ACTR1B: variants seen among roughly 807,000 people sequenced by gnomAD.
ACTR1B encodes the protein beta-centractin.
ACTR1B carries 34 observed loss-of-function variants against 49.4 expected under a neutral mutation model. The observed-to-expected ratio is 0.69, with a 90% CI of 0.52 to 0.92. The LOEUF is 0.92. Among genes scored for constraint, ACTR1B ranks in the 40% least tolerant of loss-of-function variants. The pLI, the probability that ACTR1B is intolerant of heterozygous loss-of-function variation, is 0.00. For synonymous variants in ACTR1B, 207 were observed against 207.8 expected (o/e 1.00, Z 0.03); for missense variants, 471 against 522.4 (o/e 0.90, Z 0.96).
chr2:97,661,052 C>A (rs954198118), intron 2 of ACTR1B, among the ~76,000 whole-genome samples: 8 of 152,198 alleles, frequency 5.3e-5, no homozygotes, highest in Admixed American at 4.6e-4. Flanking sequence ...CCTTGTGCAC[C>A]CTGCTCTCAC....
At position 97,658,458 on chromosome 2, in the gene ACTR1B, G is replaced by C; in HGVS notation, c.626C>G (p.Ala209Gly). 6.2e-7 allele frequency: 1 copy of C among 1,614,142 alleles called. No individual in the cohort carries two copies. Among genetic ancestry groups the C allele is most frequent in the Non-Finnish European group, 8.5e-7 (1 of 1,180,010 alleles). The change falls in exon 6 of 11, where the codon GCT (alanine) becomes GGT (glycine). Residue 209 changes from alanine to glycine, a missense_variant. Transcript: ENST00000289228. This position sits in a 1 kb window ranked among gnomAD's most constrained non-coding sequence, Gnocchi z 5.9. The stretch of plus-strand genomic sequence containing the variant: ...GATTGTCCGGACAACCTCAAACTCA[G>C]CCGAGGTATGGAAGTCAACCCCTTC... ...RKEGVDFHTS[A>G]EFEVVRTIKE...
In ACTR1B at chr2:97,655,999, CA is replaced by C. The variant is rs1674824798; in HGVS notation, c.*858del. 6.6e-6 allele frequency: 1 copy of C among 152,254 alleles called. No individual in the cohort carries two copies. The highest frequency in any genetic ancestry group is 1.5e-5 in the Non-Finnish European group (1 of 68,052). The allele number at this position is 152,254 out of a possible 1,614,324, so 9.4% of individuals were successfully genotyped here. ...CCATAATTATTACTATAATGATTTA[CA>C]AAAGTTTTTTTCAGGCAACCGTGTT... On this transcript the variant is annotated 3_prime_UTR_variant, in exon 11 of 11. Transcript: ENST00000289228.
chr2:97,661,944 AC>A lies in ACTR1B; in HGVS notation c.50del (p.Gly17ValfsTer4). ...CAAAGCCAGCTTTAATCACCCCCGA[AC>A]CCTGCAAGGAAAAACAAAGTTGAGC... The part of the protein sequence containing the change: ...IANQPVVIDN[G>X]SGVIKAGFAG... On this transcript the variant is annotated frameshift_variant and splice_region_variant, in exon 2 of 11. Transcript: ENST00000289228. LOFTEE classifies it high-confidence loss of function. The A allele has an allele frequency of 6.3e-7, 1 of 1,589,066 alleles. No individual in the cohort carries two copies. Among genetic ancestry groups the A allele is most frequent in the Non-Finnish European group, 8.6e-7 (1 of 1,165,678 alleles).
intron 1 of ACTR1B, 28 bp downstream of exon 1, chr2:97,663,809 GGCGCCC>G (rs1428880438): frequency 7.4e-7 from 1 of 1,348,642 alleles, no homozygotes; most frequent in East Asian, 3.6e-5. Context: ...CCGGGGGCGG[GGCGCCC>G]GCCCTCCCCC....
chr2:97,657,550 G>A, intron 8 of ACTR1B, 41 bp from the exon 9 acceptor site: 1 of 1,605,034 alleles, frequency 6.2e-7, no homozygotes, highest in South Asian at 1.1e-5. Flanking sequence ...TCTGCACCCG[G>A]CCTCCTCGCT....
Position 97,659,659 on chromosome 2 carries a change from C to T in ACTR1B, c.190-182G>A. 1.2e-6 allele frequency: 1 copy of T among 808,324 alleles called. No individual in the cohort carries two copies. Among genetic ancestry groups the T allele is most frequent in the East Asian group, 2.6e-5 (1 of 37,790 alleles). 50.1% of individuals were successfully genotyped at this position (808,324 alleles called of 1,614,324 possible). On this transcript the variant is annotated intron_variant, in intron 3 of 10. Transcript: ENST00000289228. The surrounding 1 kb of genome is among the most constrained non-coding windows in gnomAD (Gnocchi z 4.0). Reference sequence around the variant, plus strand: ...CCTGAACTCAGCATGGGCTCACCTGCCCACCAGCTTCTTAGGCTCTTAGAG... The same window carrying T: ...CCTGAACTCAGCATGGGCTCACCTGTCCACCAGCTTCTTAGGCTCTTAGAG...
rs1202449598 is a variant in ACTR1B, at chr2:97,660,572, T to C, written c.188A>G (p.Glu63Gly). Residue 63 changes from glutamate to glycine, a missense_variant and splice_region_variant, in exon 3 of 11, where the codon GAG becomes GGG. Glu to Gly is a moderately conservative substitution (Grantham distance 98, BLOSUM62 -2). Coordinates refer to ENST00000289228, the MANE Select transcript of ACTR1B (RefSeq NM_005735.4). ...EGDLFIGPKA[E>G]EHRGLLTIRY... is the part of the protein sequence containing the mutation. ...GAAAGGCAGGCTCCTCGGTGTTACC[T>C]CTGCTTTTGGTCCGATGAAGAGGTC... 1.2e-6 allele frequency: 2 copies of C among 1,613,940 alleles called. No individual in the cohort carries two copies. Among genetic ancestry groups the C allele is most frequent in the Non-Finnish European group, 1.7e-6 (2 of 1,179,968 alleles).
rs1675101997 is a variant in ACTR1B, at chr2:97,663,805, G to A, written c.48+38C>T. On this transcript the variant is annotated intron_variant, in intron 1 of 10. Coordinates refer to ENST00000289228, the MANE Select transcript of ACTR1B (RefSeq NM_005735.4). ...TGCGCCGCCGCGTGCGCCCCCGGGG[G>A]CGGGGCGCCCGCCCTCCCCCTGGCT... is the stretch of plus-strand genomic sequence containing the variant. The A allele has an allele frequency of 3.0e-6, 4 of 1,333,294 alleles. 1 individual carries two copies. Among genetic ancestry groups the A allele is most frequent in the Middle Eastern group, 2.7e-4 (1 of 3,726 alleles). 82.6% of individuals were successfully genotyped at this position (1,333,294 alleles called of 1,614,324 possible).
At position 97,656,627 on chromosome 2, in the gene ACTR1B, C is replaced by T. The variant is rs926635493; in HGVS notation, c.*231G>A. 1.1e-5 allele frequency: 6 copies of T among 521,992 alleles called. No homozygotes were observed. Among genetic ancestry groups the T allele is most frequent in the Non-Finnish European group, 1.0e-5 (3 of 291,134 alleles). The allele number at this position is 521,992 out of a possible 1,614,324, so 32.3% of individuals were successfully genotyped here. A position where few individuals can be genotyped will look rare whatever the true frequency, so the allele number is the denominator to read the frequency against. On this transcript the variant is annotated 3_prime_UTR_variant, in exon 11 of 11. Transcript: ENST00000289228. ...ACCCACAACAGCCTGACATGGCGCT[C>T]AATTCCCACACGCCAGCTCAAGGCT...
chr2:97,661,002 G>C (rs1674999843), intron 2 of ACTR1B, among the ~76,000 whole-genome samples: 1 of 152,220 alleles, frequency 6.6e-6, no homozygotes, highest in African/African-American at 2.4e-5. Flanking sequence ...ACCATCCACA[G>C]ACTGAGGGAG....
In ACTR1B at chr2:97,658,390, C is replaced by A. The variant is rs573419152; in HGVS notation, c.657+37G>T. The A allele has an allele frequency of 6.2e-7, 1 of 1,613,602 alleles. No individual in the cohort carries two copies. The highest frequency in any genetic ancestry group is 8.5e-7 in the Non-Finnish European group (1 of 1,179,628). Reference sequence around the variant, plus strand: ...GTGCCTTGGTGCCACCCTTTCCTCACCCCAGGTCGTGTCCACACCCTCTCG... The same window carrying A: ...GTGCCTTGGTGCCACCCTTTCCTCAACCCAGGTCGTGTCCACACCCTCTCG... On this transcript the variant is annotated intron_variant, in intron 6 of 10. Coordinates refer to ENST00000289228, the MANE Select transcript of ACTR1B (RefSeq NM_005735.4). This position sits in a 1 kb window ranked among gnomAD's most constrained non-coding sequence, Gnocchi z 5.9.
rs1251741378 is a variant in ACTR1B at position 97,663,927 on chromosome 2, G to A, written c.-37C>T. Reference sequence around the variant, plus strand: ...GCCGGCCCTGCCCAGCAGGCGGGCTGCAGGAGGCACCGGATGGGCGGGCGG... The same window carrying A: ...GCCGGCCCTGCCCAGCAGGCGGGCTACAGGAGGCACCGGATGGGCGGGCGG... On this transcript the variant is annotated 5_prime_UTR_variant, in exon 1 of 11. Coordinates refer to ENST00000289228, the MANE Select transcript of ACTR1B (RefSeq NM_005735.4). 2.2e-6 allele frequency: 2 copies of A among 903,964 alleles called. No individual in the cohort carries two copies. The highest frequency in any genetic ancestry group is 8.2e-5 in the Admixed American group (2 of 24,500). The allele number at this position is 903,964 out of a possible 1,614,324, so 56.0% of individuals were successfully genotyped here. A position where few individuals can be genotyped will look rare whatever the true frequency, so the allele number is the denominator to read the frequency against.
Position 97,659,533 on chromosome 2 carries a change from C to G in ACTR1B, c.190-56G>C. Reference sequence around the variant, plus strand: ...CGGCCCTTGCTCAGCGGCTGCTTTCCGCCCTCCTGGAAGCTGACCCTCACC... The same window carrying G: ...CGGCCCTTGCTCAGCGGCTGCTTTCGGCCCTCCTGGAAGCTGACCCTCACC... On this transcript the variant is annotated intron_variant, in intron 3 of 10. Coordinates refer to ENST00000289228, the MANE Select transcript of ACTR1B (RefSeq NM_005735.4). The surrounding 1 kb of genome is among the most constrained non-coding windows in gnomAD (Gnocchi z 4.0). 2 of 1,603,058 alleles carry G rather than the reference C, an allele frequency of 1.2e-6. No homozygotes were observed. Among genetic ancestry groups the G allele is most frequent in the Non-Finnish European group, 1.7e-6 (2 of 1,177,936 alleles).
chr2:97,659,527 G>A lies in ACTR1B; in HGVS notation c.190-50C>T. On this transcript the variant is annotated intron_variant, in intron 3 of 10. Transcript: ENST00000289228. The surrounding 1 kb of genome is among the most constrained non-coding windows in gnomAD (Gnocchi z 4.0). ...GGCACCCGGCCCTTGCTCAGCGGCT[G>A]CTTTCCGCCCTCCTGGAAGCTGACC... 1.2e-6 allele frequency: 2 copies of A among 1,605,226 alleles called. No individual in the cohort carries two copies. The highest frequency in any genetic ancestry group is 1.7e-6 in the Non-Finnish European group (2 of 1,178,566).
In ACTR1B at chr2:97,658,006, T is replaced by C. The variant is rs1026006041; in HGVS notation, c.862A>G (p.Met288Val). 19 of 1,614,056 alleles carry C rather than the reference T, an allele frequency of 1.2e-5. No individual in the cohort carries two copies. The highest frequency in any genetic ancestry group is 1.6e-5 in the Non-Finnish European group (19 of 1,180,040). ...VVAFAIHKSD[M>V]DLRRTLFANI... ...GCGAACAGCGTCCGGCGCAGGTCCA[T>C]GTCGGACTTGTGTATGGCGAAGGCC... Residue 288 changes from methionine to valine, a missense_variant, in exon 8 of 11, where the codon ATG (methionine) becomes GTG (valine). Physicochemically the swap from Met to Val is conservative, Grantham distance 21. Coordinates refer to ENST00000289228, the MANE Select transcript of ACTR1B (RefSeq NM_005735.4). The surrounding 1 kb of genome is among the most constrained non-coding windows in gnomAD (Gnocchi z 5.9).
In ACTR1B at chr2:97,658,753, G is replaced by A. The variant is rs1019273167; in HGVS notation, c.441-110C>T. On this transcript the variant is annotated intron_variant, in intron 5 of 10. Transcript: ENST00000289228. The surrounding 1 kb of genome is among the most constrained non-coding windows in gnomAD (Gnocchi z 5.9). The stretch of plus-strand genomic sequence containing the variant: ...ATTATCTAGTCTGAAGAGAGGACAC[G>A]AGGGACTCCCTAGAGGAACAGTCAT... 53 of 1,576,770 alleles carry A rather than the reference G, an allele frequency of 3.4e-5. No homozygotes were observed. Among genetic ancestry groups the A allele is most frequent in the African/African-American group, 1.3e-4 (10 of 74,142 alleles).
intron 8 of ACTR1B, 66 bp downstream of exon 8, chr2:97,657,877 A>G: frequency 3.2e-6 from 5 of 1,570,294 alleles, no homozygotes; most frequent in Non-Finnish European, 4.3e-6. Context: ...GGGTAGGGGT[A>G]TACTCTCTGA....
chr2:97,660,690 C>CA lies in ACTR1B; in HGVS notation c.114-45dup, dbSNP rs781661707. 57 of 1,588,212 alleles carry CA rather than the reference C, an allele frequency of 3.6e-5. No homozygotes were observed. In the Middle Eastern group the frequency reaches 5.0e-4, roughly 14 times the overall value. ...TCAGCAAGGTGGGCAGGGAGCATGG[C>CA]AGAGCTTGTGTCCAGAAAAACCGAA... is the stretch of plus-strand genomic sequence containing the variant. On this transcript the variant is annotated intron_variant, in intron 2 of 10. Transcript: ENST00000289228.
At position 97,658,398 on chromosome 2, in the gene ACTR1B, C is replaced by T; in HGVS notation, c.657+29G>A. The stretch of plus-strand genomic sequence containing the variant: ...GTGCCACCCTTTCCTCACCCCAGGT[C>T]GTGTCCACACCCTCTCGCCCCTTGT... On this transcript the variant is annotated intron_variant, in intron 6 of 10. Transcript: ENST00000289228. The surrounding 1 kb of genome is among the most constrained non-coding windows in gnomAD (Gnocchi z 5.9). The T allele has an allele frequency of 3.7e-6, 6 of 1,613,574 alleles. No individual in the cohort carries two copies. Among genetic ancestry groups the T allele is most frequent in the South Asian group, 1.1e-5 (1 of 90,994 alleles).
Sources: gnomAD v4.1 joint callset for allele counts (sites outside exome capture counted in the v4.1 genomes callset) on GRCh38, gnomAD v4.1.1 for gene constraint, Gnocchi (gnomAD v3.1) non-coding constraint, MANE v1.5 for transcripts, NCBI Gene and HGNC (gene_info 2026-07-23, HGNC 2026-07-21) for gene names.